TAOK3: variants seen among roughly 807,000 people sequenced by gnomAD.
TAOK3 encodes the protein serine/threonine-protein kinase TAO3.
A neutral mutation model predicts 120.4 loss-of-function variants in TAOK3; 40 were observed. The ratio of observed to expected loss-of-function variants is 0.33; its 90% CI spans 0.26 to 0.43. TAOK3 has a LOEUF of 0.43. Among genes scored for constraint, TAOK3 ranks in the 20% least tolerant of loss-of-function variants. The pLI is 1.00. For missense variants in TAOK3, 821 were observed against 1,112.1 expected (o/e 0.74, Z 3.72); for synonymous variants, 355 against 387.5 (o/e 0.92, Z 0.99).
intron 1 of TAOK3, among the ~76,000 whole-genome samples, chr12:118,341,051 C>T (rs184549688): frequency 1.9e-4 from 28 of 150,364 alleles, no homozygotes; most frequent in Non-Finnish European, 2.5e-4. Context: ...AGTGCAGTGG[C>T]GCCATCTCAG....
intron 1 of TAOK3, among the ~76,000 whole-genome samples, chr12:118,308,090 G>T (rs2043117104): frequency 1.3e-5 from 2 of 151,854 alleles, no homozygotes; most frequent in Admixed American, 1.3e-4. Flanking sequence ...AGGTCATAAA[G>T]ACCTTGCTGA....
chr12:118,252,671 T>C lies in TAOK3; in HGVS notation c.120+2777A>G, dbSNP rs1003343536. Among the ~76,000 whole-genome samples, 4 of 152,146 alleles carry C rather than the reference T, an allele frequency of 2.6e-5. No homozygotes were observed. In the South Asian group the frequency reaches 8.3e-4, roughly 32 times the overall value. On this transcript the variant is annotated intron_variant, in intron 3 of 20. Transcript: ENST00000392533. ...TTTGGGCCTTAAATGATATTCTGACTACACACTAACAAGGGAGTGTTAACT... is the reference window on the plus strand; with the variant it reads ...TTTGGGCCTTAAATGATATTCTGACCACACACTAACAAGGGAGTGTTAACT...
intron 14 of TAOK3, among the ~76,000 whole-genome samples, chr12:118,188,888 AAG>A (rs1411207043): frequency 6.6e-6 from 1 of 152,080 alleles, no homozygotes; most frequent in Non-Finnish European, 1.5e-5. Flanking sequence ...CAAAAGATTA[AAG>A]AGAGTTTAGA....
intron 7 of TAOK3, among the ~76,000 whole-genome samples, chr12:118,237,470 T>C (rs1314052991): frequency 6.6e-6 from 1 of 151,962 alleles, no homozygotes; most frequent in Non-Finnish European, 1.5e-5. Flanking sequence ...GTAGAGAAAA[T>C]ACAAGGCAGA....
At chr12:118,285,515 G>A (rs998868447) in intron 1 of TAOK3, among the ~76,000 whole-genome samples, 2 of 151,946 alleles carry the variant, frequency 1.3e-5, no homozygotes, top group Non-Finnish European at 2.9e-5. Context: ...ATCACACCCA[G>A]CTAATTTTTC....
chr12:118,154,864 C>T (rs1482001080), intron 19 of TAOK3, among the ~76,000 whole-genome samples: 1 of 152,138 alleles, frequency 6.6e-6, no homozygotes, highest in African/African-American at 2.4e-5. Flanking sequence ...ACAGGATTCC[C>T]CCCAAGATGG....
chr12:118,168,376 C>T (rs1410384719), intron 17 of TAOK3, among the ~76,000 whole-genome samples: 1 of 152,176 alleles, frequency 6.6e-6, no homozygotes, highest in Admixed American at 6.5e-5. Context: ...ACAAATGTAA[C>T]TATGCGGAGG....
At chr12:118,257,046 C>T (rs914076277) in intron 2 of TAOK3, among the ~76,000 whole-genome samples, 2 of 152,152 alleles carry the variant, frequency 1.3e-5, no homozygotes, top group African/African-American at 2.4e-5. Context: ...TTAATCCCTA[C>T]AATAGCTTCA....
chr12:118,372,866 C>T lies in TAOK3; in HGVS notation c.-412G>A, dbSNP rs2045944012. On this transcript the variant is annotated 5_prime_UTR_variant, in exon 1 of 21. Transcript: ENST00000392533. This position sits in a 1 kb window ranked among gnomAD's most constrained non-coding sequence, Gnocchi z 4.6. The stretch of plus-strand genomic sequence containing the variant: ...CGCCGCCCGGCGCCACAAGGACCCT[C>T]CCGCGGCCGCCGCCGCTGCTGCTGT... 6.5e-6 allele frequency: 1 copy of T among 154,302 alleles called. No individual in the cohort carries two copies. Among genetic ancestry groups the T allele is most frequent in the South Asian group, 2.0e-4 (1 of 5,042 alleles). The allele number at this position is 154,302 out of a possible 1,614,324, so 9.6% of individuals were successfully genotyped here. A position where few individuals can be genotyped will look rare whatever the true frequency, so the allele number is the denominator to read the frequency against.
intron 1 of TAOK3, among the ~76,000 whole-genome samples, chr12:118,333,587 A>G (rs1390822701): frequency 2.6e-5 from 4 of 152,160 alleles, no homozygotes; most frequent in Non-Finnish European, 5.9e-5. Context: ...TAGAACAGGA[A>G]GAGCAACATA....
chr12:118,176,548 G>T (rs1191456437), intron 16 of TAOK3, among the ~76,000 whole-genome samples: 1 of 152,158 alleles, frequency 6.6e-6, no homozygotes, highest in Non-Finnish European at 1.5e-5. Context: ...GAATGGTTTA[G>T]AGTTATATCA....
intron 1 of TAOK3, among the ~76,000 whole-genome samples, chr12:118,341,422 G>A (rs1013373205): frequency 7.9e-5 from 12 of 151,328 alleles, no homozygotes; most frequent in African/African-American, 2.9e-4. Context: ...TTTTCTATAT[G>A]AGTCCAAATT....
chr12:118,192,376 A>G (rs546146304), intron 13 of TAOK3, among the ~76,000 whole-genome samples: 35 of 152,340 alleles, frequency 2.3e-4, no homozygotes, highest in South Asian at 1.0e-3. Context: ...CTAATAGTAT[A>G]ATTCTTTGCT....
chr12:118,348,325 C>T (rs1029905433), intron 1 of TAOK3, among the ~76,000 whole-genome samples: 2 of 152,232 alleles, frequency 1.3e-5, no homozygotes, highest in Non-Finnish European at 2.9e-5. Context: ...GATTCTTATT[C>T]GCTTTCCATA....
rs920230812 is a variant in TAOK3 at position 118,278,003 on chromosome 12, C to T, written c.-193-11244G>A. ...ATTCCAGTGTTTGTGGTTTTGTTTA[C>T]AAAACTCTTTAAAGCAATTTTCACA... On this transcript the variant is annotated intron_variant, in intron 1 of 20. Transcript: ENST00000392533. Among the ~76,000 whole-genome samples, 6 of 151,956 alleles carry T rather than the reference C, an allele frequency of 3.9e-5. No individual in the cohort carries two copies. In the South Asian group the frequency reaches 8.3e-4, roughly 21 times the overall value.
intron 1 of TAOK3, among the ~76,000 whole-genome samples, chr12:118,367,749 TC>T (rs5801275): frequency 0.049 from 7,380 of 151,248 alleles, 393 homozygotes; most frequent in East Asian, 0.25. Flanking sequence ...CACAAAATCC[TC>T]CCTCCCTCTC....
At chr12:118,243,110 T>G (rs1267375012) in intron 5 of TAOK3, among the ~76,000 whole-genome samples, 2 of 151,878 alleles carry the variant, frequency 1.3e-5, no homozygotes, top group Non-Finnish European at 2.9e-5. Flanking sequence ...ATAAAAATTC[T>G]AGGATGAGAA....
In TAOK3 at chr12:118,255,528, G is replaced by C. The variant is rs1177442316; in HGVS notation, c.40C>G (p.Leu14Val). The C allele has an allele frequency of 1.5e-5, 25 of 1,614,072 alleles. No individual in the cohort carries two copies. Among genetic ancestry groups the C allele is most frequent in the Non-Finnish European group, 2.0e-5 (24 of 1,179,974 alleles). ...TCCTCAGGATCATCTTTGTAGAATA[G>C]ATCGGCAATCTCTGGGTCCTTCAGC... ...GVLKDPEIAD[L>V]FYKDDPEELF... The change falls in exon 3 of 21, where the codon CTA (leucine) becomes GTA (valine). Residue 14 changes from leucine to valine, a missense_variant. Transcript: ENST00000392533.
intron 1 of TAOK3, among the ~76,000 whole-genome samples, chr12:118,322,489 A>G (rs2140955028): frequency 6.6e-6 from 1 of 152,094 alleles, no homozygotes; most frequent in East Asian, 1.9e-4. Context: ...AAACTTTTCT[A>G]TAAAGCTCCT....
Sources: gnomAD v4.1 joint callset for allele counts (sites outside exome capture counted in the v4.1 genomes callset) on GRCh38, gnomAD v4.1.1 for gene constraint, Gnocchi (gnomAD v3.1) non-coding constraint, MANE v1.5 for transcripts, NCBI Gene and HGNC (gene_info 2026-07-23, HGNC 2026-07-21) for gene names.